The following PIK3R6 variants were observed in gnomAD, a reference collection of about 807,000 sequenced individuals.
PIK3R6 encodes phosphoinositide 3-kinase regulatory subunit 6.
Under a neutral mutation model 84.9 loss-of-function variants are expected in PIK3R6, and 91 were observed. The ratio of observed to expected loss-of-function variants is 1.07; its 90% CI spans 0.90 to 1.28. The LOEUF is 1.28. Ranked by LOEUF, PIK3R6 falls within the 50% of genes most tolerant of loss-of-function variation. The pLI is 0.00. For missense variants in PIK3R6, 996 were observed against 985.1 expected, an observed-to-expected ratio of 1.01 and a Z score of -0.15; for synonymous variants, 416 against 411.4, an observed-to-expected ratio of 1.01 and a Z score of -0.13.
chr17:8,816,136 T>G (rs942766344), intron 18 of PIK3R6, among the ~76,000 whole-genome samples: 1 of 152,140 alleles, frequency 6.6e-6, no homozygotes, highest in South Asian at 2.1e-4. Flanking sequence ...AACAGAAGGA[T>G]TAGACTCCCA....
intron 1 of PIK3R6, among the ~76,000 whole-genome samples, chr17:8,858,379 C>T (rs184394192): frequency 7.0e-6 from 1 of 141,848 alleles, no homozygotes; most frequent in Non-Finnish European, 1.5e-5. Flanking sequence ...TGCAGTGACG[C>T]GATCTCGGCT....
intron 17 of PIK3R6, among the ~76,000 whole-genome samples, chr17:8,820,712 T>C (rs1006494034): frequency 1.3e-5 from 2 of 152,250 alleles, no homozygotes; most frequent in East Asian, 3.8e-4. Flanking sequence ...TTGAGTTTCT[T>C]CTTTGTGCCA....
intron 17 of PIK3R6, among the ~76,000 whole-genome samples, chr17:8,820,080 G>A (rs2087684969): frequency 6.7e-6 from 1 of 150,312 alleles, no homozygotes; most frequent in Admixed American, 6.7e-5. Context: ...CCAAGTAGCT[G>A]GGATTACAGG....
At position 8,842,686 on chromosome 17, in the gene PIK3R6, C is replaced by T. The variant is rs1247096133; in HGVS notation, c.14-2989G>A. Among the ~76,000 whole-genome samples, 1 of 152,078 alleles carries T rather than the reference C, an allele frequency of 6.6e-6. No homozygotes were observed. The highest frequency in any genetic ancestry group is 1.5e-5 in the Non-Finnish European group (1 of 68,022). On this transcript the variant is annotated intron_variant, in intron 2 of 19. Coordinates refer to ENST00000619866, the MANE Select transcript of PIK3R6 (RefSeq NM_001010855.4). The surrounding 1 kb of genome is among the most constrained non-coding windows in gnomAD (Gnocchi z 4.5). ...TCCAGTTGTCAGACAACACAAACCA[C>T]ATGCCCCAAGGGTTCCTCTTTGACT...
At chr17:8,854,283 G>A (rs2089065903) in intron 1 of PIK3R6, among the ~76,000 whole-genome samples, 1 of 152,010 alleles carries the variant, frequency 6.6e-6, no homozygotes. Context: ...CAGGTAGCTG[G>A]GACTACAGGC....
At chr17:8,813,270 TA>T (rs35198952) in intron 18 of PIK3R6, among the ~76,000 whole-genome samples, 12,768 of 151,674 alleles carry the variant, frequency 0.084, 1,023 homozygotes, top group East Asian at 0.31. Context: ...AACTCTCAAT[TA>T]AAAAAAACCT....
chr17:8,834,188 G>A (rs1049108093), intron 8 of PIK3R6, among the ~76,000 whole-genome samples: 4 of 150,244 alleles, frequency 2.7e-5, no homozygotes, highest in African/African-American at 9.8e-5. Flanking sequence ...AGAGTGAGTC[G>A]TGCAGGTATC....
rs1401777774 is a variant in PIK3R6, at chr17:8,832,964, T to A, written c.727A>T (p.Ser243Cys). ...AGCCTCTCTACGTGTCCCTCCCGGC[T>A]CGGGCTGGCCTCGCTGGCCATCTGC... ...LEQMASEASPSREGHVERLEE... is the reference protein window; with the variant it reads ...LEQMASEASPCREGHVERLEE... Residue 243 changes from serine (S) to cysteine (C), a missense_variant, in exon 9 of 20, where the codon AGC becomes TGC. By Grantham distance (112) the Ser-to-Cys change is moderately radical. Transcript: ENST00000619866. 1.2e-6 allele frequency: 2 copies of A among 1,612,588 alleles called. No homozygotes were observed. The highest frequency in any genetic ancestry group is 8.5e-7 in the Non-Finnish European group (1 of 1,179,732).
chr17:8,863,182 G>A (rs1337151783), intron 1 of PIK3R6, among the ~76,000 whole-genome samples: 2 of 151,914 alleles, frequency 1.3e-5, no homozygotes, highest in African/African-American at 4.8e-5. Context: ...ATAGATACAT[G>A]GATATGTAGA....
Position 8,832,368 on chromosome 17 carries a change from C to T in PIK3R6, c.802+521G>A, listed in dbSNP as rs533612265. On this transcript the variant is annotated intron_variant, in intron 9 of 19. Transcript: ENST00000619866. ...TCGGCGGTTATCATGACCAAATTACCCACCTTCTTTTTTTTTTTTTTTTTT... is the reference window on the plus strand; with the variant it reads ...TCGGCGGTTATCATGACCAAATTACTCACCTTCTTTTTTTTTTTTTTTTTT... 1.0e-4 allele frequency among the ~76,000 whole-genome samples: 15 copies of T among 147,390 alleles called. 1 individual carries two copies. The South Asian group carries it at 3.2e-3, about 32-fold the overall frequency.
At chr17:8,819,671 C>CATATATATATAT (rs148918327) in intron 17 of PIK3R6, among the ~76,000 whole-genome samples, 332 of 133,594 alleles carry the variant, frequency 2.5e-3, no homozygotes, top group African/African-American at 6.6e-3. Context: ...TTTTTTTGTG[C>CATATATATATAT]ATATATATAT....
chr17:8,863,940 C>A (rs2089342866), intron 1 of PIK3R6, among the ~76,000 whole-genome samples: 2 of 152,188 alleles, frequency 1.3e-5, no homozygotes, highest in Admixed American at 1.3e-4. Flanking sequence ...GAAGAACGCT[C>A]TAAGCAAAGA....
intron 16 of PIK3R6, 41 bp from the exon 17 acceptor site, chr17:8,821,977 C>A: frequency 6.8e-7 from 1 of 1,477,152 alleles, no homozygotes; most frequent in Non-Finnish European, 9.2e-7. Flanking sequence ...GTGCTCAGGA[C>A]ATACCCTTTC....
At chr17:8,818,988 AGT>A (rs1365333478) in intron 18 of PIK3R6, 93 bp downstream of exon 18, 2 of 875,788 alleles carry the variant, frequency 2.3e-6, no homozygotes. Context: ...CTGGGAAGTC[AGT>A]TCCCTTCTCT....
intron 2 of PIK3R6, among the ~76,000 whole-genome samples, chr17:8,840,904 C>T (rs1377851476): frequency 5.3e-5 from 8 of 151,436 alleles, no homozygotes; most frequent in Non-Finnish European, 1.2e-4. Context: ...AGGCGCCTGC[C>T]ACCACGCCTG....
In PIK3R6 at chr17:8,828,645, C is replaced by A; in HGVS notation, c.1235G>T (p.Arg412Leu). Residue 412 changes from arginine to leucine, a missense_variant, in exon 11 of 20, where the codon CGG (arginine) becomes CTG (leucine). Transcript: ENST00000619866. ...CACAAGTACCCGGGCTGTGTGCAGC[C>A]GGGACACGCCGGGCAGCATTTCCCC... ...GDGEMLPGVS[R>L]LHTARVLVLG... 1 of 1,613,160 alleles carries A rather than the reference C, an allele frequency of 6.2e-7. No homozygotes were observed. The highest frequency in any genetic ancestry group is 8.5e-7 in the Non-Finnish European group (1 of 1,179,640).
chr17:8,814,118 C>T (rs1421770109), intron 18 of PIK3R6, among the ~76,000 whole-genome samples: 3 of 151,918 alleles, frequency 2.0e-5, no homozygotes, highest in African/African-American at 7.3e-5. Context: ...CATCTGGGAT[C>T]CCCCCACAGA....
chr17:8,867,456 C>G, intron 1 of PIK3R6, 73 bp downstream of exon 1: 1 of 226,494 alleles, frequency 4.4e-6, no homozygotes, highest in Non-Finnish European at 9.5e-6. Flanking sequence ...CTTCCAGGTC[C>G]CTCCGTTCCA....
At chr17:8,864,528 T>C (rs904674803) in intron 1 of PIK3R6, among the ~76,000 whole-genome samples, 2 of 124,320 alleles carry the variant, frequency 1.6e-5, no homozygotes, top group South Asian at 2.7e-4. Flanking sequence ...CCTTCACAGC[T>C]CTTTTTTTTT....
Sources: gnomAD v4.1 joint callset for allele counts (sites outside exome capture counted in the v4.1 genomes callset) on GRCh38, gnomAD v4.1.1 for gene constraint, Gnocchi (gnomAD v3.1) non-coding constraint, MANE v1.5 for transcripts, NCBI Gene and HGNC (gene_info 2026-07-23, HGNC 2026-07-21) for gene names.